Variants in EYS observed in about 807,000 individuals in gnomAD.
The protein encoded by EYS is protein eyes shut homolog.
Under a neutral mutation model 282.1 loss-of-function variants are expected in EYS, and 250 were observed. The ratio of observed to expected loss-of-function variants is 0.89; its 90% CI spans 0.80 to 0.98. The LOEUF is 0.98. EYS is among the 50% of genes least tolerant of loss of function. The probability of loss-of-function intolerance (pLI) is 0.00; values close to 1 mark genes in which losing one functional copy is unlikely to be tolerated. For missense variants in EYS, 4,016 were observed against 3,709.0 expected (o/e 1.08, Z -2.15); for synonymous variants, 1,355 against 1,282.9 (o/e 1.06, Z -1.20).
chr6:64,247,656 T>TTG (rs1396905996), intron 30 of EYS, among the ~76,000 whole-genome samples: 1 of 152,172 alleles, frequency 6.6e-6, no homozygotes, highest in Non-Finnish European at 1.5e-5. Flanking sequence ...AAAAAGGCAA[T>TTG]TGTAATATTG....
chr6:65,130,743 C>T (rs1453680558), intron 12 of EYS, among the ~76,000 whole-genome samples: 1 of 150,578 alleles, frequency 6.6e-6, no homozygotes, highest in Admixed American at 6.6e-5. Flanking sequence ...TACAACAAAC[C>T]CCTATGACAC....
chr6:64,537,573 G>A (rs114361415), intron 26 of EYS, among the ~76,000 whole-genome samples: 10,218 of 151,566 alleles, frequency 0.067, 832 homozygotes, highest in African/African-American at 0.19. Context: ...AAAATTTATC[G>A]CCCTAATATT....
At chr6:63,735,554 A>G (rs1768889623) in intron 41 of EYS, among the ~76,000 whole-genome samples, 1 of 151,960 alleles carries the variant, frequency 6.6e-6, no homozygotes, top group Admixed American at 6.6e-5. Flanking sequence ...ACCTATAAAA[A>G]CAAGCTAAAG....
At chr6:64,927,626 G>C (rs955328583) in intron 15 of EYS, among the ~76,000 whole-genome samples, 13 of 151,918 alleles carry the variant, frequency 8.6e-5, no homozygotes, top group Non-Finnish European at 1.8e-4. Flanking sequence ...AAATCTTAAG[G>C]GTTCTGGTGT....
intron 2 of EYS, among the ~76,000 whole-genome samples, chr6:65,504,940 T>C (rs914562807): frequency 1.3e-5 from 2 of 151,838 alleles, no homozygotes; most frequent in African/African-American, 2.4e-5. Context: ...ACTTAGGAAG[T>C]GTTCCATCTG....
At chr6:64,774,086 C>T (rs972309221) in intron 22 of EYS, among the ~76,000 whole-genome samples, 1 of 151,802 alleles carries the variant, frequency 6.6e-6, no homozygotes, top group Non-Finnish European at 1.5e-5. Context: ...TTATGAATTA[C>T]CTTTCATTAT....
At chr6:65,503,357 A>T (rs1766531865) in intron 2 of EYS, among the ~76,000 whole-genome samples, 1 of 151,606 alleles carries the variant, frequency 6.6e-6, no homozygotes, top group Non-Finnish European at 1.5e-5. Flanking sequence ...TTACATTTGG[A>T]TAAAAATCCT....
intron 35 of EYS, among the ~76,000 whole-genome samples, chr6:63,948,860 T>C (rs548889078): frequency 6.6e-6 from 1 of 152,220 alleles, no homozygotes; most frequent in South Asian, 2.1e-4. Context: ...ATATAATATG[T>C]AATACATATA....
chr6:64,134,297 T>C (rs1303727585), intron 31 of EYS, among the ~76,000 whole-genome samples: 1 of 151,976 alleles, frequency 6.6e-6, no homozygotes, highest in Non-Finnish European at 1.5e-5. Flanking sequence ...CATTTCTTCA[T>C]CTTCAGAATA....
chr6:64,220,777 T>C (rs1766076583), intron 31 of EYS, among the ~76,000 whole-genome samples: 1 of 152,172 alleles, frequency 6.6e-6, no homozygotes, highest in South Asian at 2.1e-4. Context: ...AGTTTGAATC[T>C]AACGTTGTTT....
chr6:64,487,897 A>G (rs979816623), intron 26 of EYS, among the ~76,000 whole-genome samples: 2 of 151,026 alleles, frequency 1.3e-5, no homozygotes, highest in Admixed American at 6.6e-5. Flanking sequence ...ACAATTAGTC[A>G]TACCTTTGTT....
chr6:64,813,622 T>C lies in EYS; in HGVS notation c.3244-45A>G, dbSNP rs368781069. 438 of 1,165,208 alleles carry C rather than the reference T, an allele frequency of 3.8e-4. 3 individuals carry two copies. The African/African-American group carries it at 6.2e-3, about 16-fold the overall frequency. 72.2% of individuals were successfully genotyped at this position (1,165,208 alleles called of 1,614,324 possible). ...ATCAAATTTGATTATTAGTATAAGGTTGACCATTTTAATATAATTATATTT... is the reference window on the plus strand; with the variant it reads ...ATCAAATTTGATTATTAGTATAAGGCTGACCATTTTAATATAATTATATTT... On this transcript the variant is annotated intron_variant, in intron 21 of 42. Coordinates refer to ENST00000503581, the MANE Select transcript of EYS (RefSeq NM_001142800.2).
chr6:64,115,115 G>T (rs1773333478), intron 31 of EYS, among the ~76,000 whole-genome samples: 2 of 152,336 alleles, frequency 1.3e-5, no homozygotes, highest in South Asian at 4.1e-4. Context: ...CATGGACACT[G>T]AAGCTACCTC....
chr6:65,366,429 T>C (rs1764916107), intron 8 of EYS, among the ~76,000 whole-genome samples: 1 of 151,820 alleles, frequency 6.6e-6, no homozygotes, highest in South Asian at 2.1e-4. Flanking sequence ...TTGGTTCAGA[T>C]GGATCTAAAA....
intron 34 of EYS, among the ~76,000 whole-genome samples, chr6:63,994,705 T>G (rs1384164631): frequency 6.6e-5 from 10 of 151,992 alleles, no homozygotes; most frequent in Admixed American, 6.6e-4. Flanking sequence ...TTTGTTCAGC[T>G]CTATGATAAT....
chr6:64,171,872 C>G (rs1764491191), intron 31 of EYS, among the ~76,000 whole-genome samples: 1 of 152,140 alleles, frequency 6.6e-6, no homozygotes, highest in African/African-American at 2.4e-5. Context: ...CGGGCTATCA[C>G]CTTTCCAGCG....
At chr6:64,136,318 T>G (rs923944181) in intron 31 of EYS, among the ~76,000 whole-genome samples, 3 of 152,072 alleles carry the variant, frequency 2.0e-5, no homozygotes, top group Non-Finnish European at 4.4e-5. Context: ...AGTATTAAAT[T>G]CCTCAAACTC....
chr6:65,563,740 C>T (rs545580229), intron 2 of EYS, among the ~76,000 whole-genome samples: 9 of 152,182 alleles, frequency 5.9e-5, no homozygotes, highest in African/African-American at 2.2e-4. Flanking sequence ...AATAGTAGGG[C>T]AGGATAGTGC....
At chr6:64,173,998 A>C (rs1764554801) in intron 31 of EYS, among the ~76,000 whole-genome samples, 2 of 152,194 alleles carry the variant, frequency 1.3e-5, no homozygotes, top group African/African-American at 4.8e-5. Flanking sequence ...TTAATAAGGA[A>C]GGAAATCTTG....
Sources: gnomAD v4.1 joint callset for allele counts (sites outside exome capture counted in the v4.1 genomes callset) on GRCh38, gnomAD v4.1.1 for gene constraint, MANE v1.5 for transcripts, NCBI Gene and HGNC (gene_info 2026-07-23, HGNC 2026-07-21) for gene names.